Variants in PAN3 observed in about 807,000 individuals in gnomAD.
PAN3 encodes poly(A) specific ribonuclease subunit PAN3.
Under a neutral mutation model 96.2 loss-of-function variants are expected in PAN3, and 19 were observed. That is an observed-to-expected ratio of 0.20 (90% CI 0.14 to 0.29). The LOEUF is 0.29. Among genes scored for constraint, PAN3 ranks in the 10% least tolerant of loss-of-function variants. The pLI is 1.00. For missense variants in PAN3, 882 were observed against 1,108.1 expected (o/e 0.80, Z 2.90); for synonymous variants, 433 against 406.6 (o/e 1.06, Z -0.78).
intron 18 of PAN3, among the ~76,000 whole-genome samples, chr13:28,289,291 T>G (rs549643296): frequency 6.6e-6 from 1 of 152,188 alleles, no homozygotes; most frequent in South Asian, 2.1e-4. Flanking sequence ...GAGCTTTTTT[T>G]TGGAACGGGG....
At chr13:28,176,296 T>C (rs1202447152) in intron 2 of PAN3, among the ~76,000 whole-genome samples, 197 bp from the exon 3 acceptor site, 3 of 152,188 alleles carry the variant, frequency 2.0e-5, no homozygotes, top group Admixed American at 2.0e-4. Context: ...ACCTGGGTAG[T>C]GAGTAAAATT....
rs10651877 is a variant in PAN3 at position 28,153,232 on chromosome 13, CTT to C, written c.430+14166_430+14167del. Among the ~76,000 whole-genome samples the C allele has an allele frequency of 5.2e-4, 53 of 101,506 alleles. No homozygotes were observed. The Middle Eastern group carries it at 0.019, about 37-fold the overall frequency. The allele number at this position is 101,506 out of a possible 152,430, so 66.6% of individuals were successfully genotyped here. On this transcript the variant is annotated intron_variant, in intron 1 of 18. Transcript: ENST00000380958. ...AAGTTACAAAACTATGTATAATACG[CTT>C]TTTTTTTTTTTTTTTTTTTTGAGAC...
chr13:28,144,429 A>T (rs1205787562), intron 1 of PAN3, among the ~76,000 whole-genome samples: 1 of 151,602 alleles, frequency 6.6e-6, no homozygotes, highest in East Asian at 1.9e-4. Flanking sequence ...GTTAGCCAGG[A>T]TGGTCTCAAT....
upstream of PAN3, chr13:28,138,469 T>G (rs1161023807): frequency 1.7e-5 from 2 of 119,300 alleles, no homozygotes; most frequent in Non-Finnish European, 3.5e-5. Context: ...CCCTCCCTCC[T>G]TCTACCCCCT....
intron 4 of PAN3, among the ~76,000 whole-genome samples, chr13:28,185,360 C>T (rs1016880800): frequency 2.6e-5 from 4 of 152,038 alleles, no homozygotes; most frequent in African/African-American, 7.2e-5. Context: ...AAAGAGTATT[C>T]GTGGTTGAGT....
chr13:28,157,830 C>T (rs1218816291), intron 1 of PAN3, among the ~76,000 whole-genome samples: 2 of 152,318 alleles, frequency 1.3e-5, no homozygotes, highest in Non-Finnish European at 2.9e-5. Context: ...CAATGACACT[C>T]TTCACAGAAT....
At position 28,151,275 on chromosome 13, in the gene PAN3, G is replaced by A. The variant is rs918841560; in HGVS notation, c.430+12188G>A. Reference sequence around the variant, plus strand: ...TCATGCCTGTAATCCCAGCACTTTGGGAGGCCGAGGTGGGCAGATCACCAG... The same window carrying A: ...TCATGCCTGTAATCCCAGCACTTTGAGAGGCCGAGGTGGGCAGATCACCAG... On this transcript the variant is annotated intron_variant, in intron 1 of 18. Coordinates refer to ENST00000380958, the MANE Select transcript of PAN3 (RefSeq NM_175854.8). Among the ~76,000 whole-genome samples the A allele has an allele frequency of 3.3e-5, 5 of 152,150 alleles. 1 individual carries two copies. The highest frequency in any genetic ancestry group is 1.2e-4 in the African/African-American group (5 of 41,414).
rs1391254750 is a variant in PAN3 at position 28,294,011 on chromosome 13, G to GT, written c.*1494dup. ...ACACATATTTGTATATTTCAGAGAA[G>GT]TTTTTAATATTTCTCTGTCCACTTT... On this transcript the variant is annotated 3_prime_UTR_variant, in exon 19 of 19. Transcript: ENST00000380958. 2 of 152,586 alleles carry GT rather than the reference G, an allele frequency of 1.3e-5. No individual in the cohort carries two copies. Among genetic ancestry groups the GT allele is most frequent in the Non-Finnish European group, 2.9e-5 (2 of 68,034 alleles). The allele number at this position is 152,586 out of a possible 1,614,324, so 9.5% of individuals were successfully genotyped here. A position where few individuals can be genotyped will look rare whatever the true frequency, so the allele number is the denominator to read the frequency against.
rs751412291 is a variant in PAN3 at position 28,281,295 on chromosome 13, C to T, written c.2320-20C>T. ...TTATCTGGAACATTAACATTTTTCT[C>T]TTTTTAAAATGTTTTATAGGAGGTT... On this transcript the variant is annotated intron_variant, in intron 16 of 18. Coordinates refer to ENST00000380958, the MANE Select transcript of PAN3 (RefSeq NM_175854.8). 4.4e-6 allele frequency: 7 copies of T among 1,596,162 alleles called. No homozygotes were observed. The highest frequency in any genetic ancestry group is 5.1e-6 in the Non-Finnish European group (6 of 1,168,138).
rs1452769475 is a variant in PAN3 at position 28,144,203 on chromosome 13, GTTTTTTTGTTT to G, written c.430+5124_430+5134del. Among the ~76,000 whole-genome samples, 803 of 128,988 alleles carry G rather than the reference GTTTTTTTGTTT, an allele frequency of 6.2e-3. 4 individuals are homozygous for G. Among genetic ancestry groups the G allele is most frequent in the African/African-American group, 0.023 (762 of 32,846 alleles). The allele number at this position is 128,988 out of a possible 152,430, so 84.6% of individuals were successfully genotyped here. A position where few individuals can be genotyped will look rare whatever the true frequency, so the allele number is the denominator to read the frequency against. On this transcript the variant is annotated intron_variant, in intron 1 of 18. Coordinates refer to ENST00000380958, the MANE Select transcript of PAN3 (RefSeq NM_175854.8). ...ATAAGGTAATACTTGGTTTCGATAA[GTTTTTTTGTTT>G]TTTTTTTTTTTTTTTTTTTTGATAT... is the stretch of plus-strand genomic sequence containing the variant.
chr13:28,144,464 C>G (rs1479562788), intron 1 of PAN3, among the ~76,000 whole-genome samples: 1 of 151,944 alleles, frequency 6.6e-6, no homozygotes, highest in Non-Finnish European at 1.5e-5. Context: ...ATCCACCTGC[C>G]TCGGCCTCCC....
rs1214294538 is a variant in PAN3, at chr13:28,196,026, G to T, written c.691-1159G>T. ...TTTGACTGGCTATAGGTTTTTTTTT[G>T]TTTTTTTTTTTTTAATAGAGACAGG... On this transcript the variant is annotated intron_variant, in intron 4 of 18. Transcript: ENST00000380958. Among the ~76,000 whole-genome samples the T allele has an allele frequency of 2.9e-3, 397 of 135,116 alleles. 1 individual carries two copies. The highest frequency in any genetic ancestry group is 5.0e-3 in the Non-Finnish European group (308 of 61,710). 88.6% of individuals were successfully genotyped at this position (135,116 alleles called of 152,430 possible).
Position 28,138,981 on chromosome 13 carries a change from T to C in PAN3, c.324T>C (p.Ala108=). 3 of 1,269,692 alleles carry C rather than the reference T, an allele frequency of 2.4e-6. No individual in the cohort carries two copies. The highest frequency in any genetic ancestry group is 2.7e-5 in the South Asian group (1 of 36,440). 78.7% of individuals were successfully genotyped at this position (1,269,692 alleles called of 1,614,324 possible). A position where few individuals can be genotyped will look rare whatever the true frequency, so the allele number is the denominator to read the frequency against. The change falls in exon 1 of 19, where the codon GCT becomes GCC. Residue 108 remains alanine, a synonymous_variant. Transcript: ENST00000380958. ...CGGGAGCCGTCGCGGGCGGGGGAGC[T>C]GGGCCGCCCCCCGGGCCCAAGAAGC... ...FPPGAVAGGG[A]GPPPGPKKPD...
intron 6 of PAN3, among the ~76,000 whole-genome samples, chr13:28,239,162 AACAC>A (rs71086840): frequency 0.013 from 1,023 of 76,808 alleles, 18 homozygotes; most frequent in African/African-American, 0.045. Context: ...CACCCCCGCC[AACAC>A]ACACACACAC....
intron 5 of PAN3, among the ~76,000 whole-genome samples, chr13:28,211,208 A>G (rs1281083388): frequency 6.6e-6 from 1 of 152,006 alleles, no homozygotes; most frequent in Non-Finnish European, 1.5e-5. Context: ...GCTGGGTCTC[A>G]TCTTTTTATG....
chr13:28,270,757 A>C lies in PAN3; in HGVS notation c.1849A>C (p.Ile617Leu). The change falls in exon 13 of 19, where the codon ATT becomes CTT. Residue 617 changes from isoleucine to leucine, a missense_variant. Physicochemically the swap from Ile to Leu is conservative, Grantham distance 5. This residue lies in a region of PAN3 where 364 missense variants were observed against 513.6 expected (regional missense o/e 0.71). Transcript: ENST00000380958. ...QHAGLLPESL[I>L]WAYIVQLSSA... ...TGCTGGATTATTGCCAGAATCTCTT[A>C]TTTGGGCATATATTGTCCAACTAAG... 1 of 1,613,960 alleles carries C rather than the reference A, an allele frequency of 6.2e-7. No individual in the cohort carries two copies. Among genetic ancestry groups the C allele is most frequent in the Non-Finnish European group, 8.5e-7 (1 of 1,179,886 alleles).
At chr13:28,216,277 T>C (rs1880755627) in intron 5 of PAN3, among the ~76,000 whole-genome samples, 1 of 151,690 alleles carries the variant, frequency 6.6e-6, no homozygotes, top group African/African-American at 2.4e-5. Flanking sequence ...TGCAGACTAA[T>C]TCATAGTGAC....
chr13:28,155,407 T>C (rs1437909558), intron 1 of PAN3, among the ~76,000 whole-genome samples: 1 of 151,784 alleles, frequency 6.6e-6, no homozygotes, highest in Non-Finnish European at 1.5e-5. Flanking sequence ...CTGGCCAACA[T>C]GGTGAAACCC....
intron 1 of PAN3, among the ~76,000 whole-genome samples, chr13:28,149,860 T>C (rs1266162255): frequency 6.6e-6 from 1 of 152,120 alleles, no homozygotes; most frequent in Non-Finnish European, 1.5e-5. Context: ...CAAGTGAACC[T>C]CTCACCTTAG....
Sources: allele counts gnomAD v4.1 joint callset (sites outside exome capture counted in the v4.1 genomes callset), GRCh38; gene constraint gnomAD v4.1.1; regional missense constraint gnomAD v4.1.1; transcripts MANE v1.5; gene names NCBI Gene and HGNC (gene_info 2026-07-23, HGNC 2026-07-21).